ADGRV1: variants seen among roughly 807,000 people sequenced by gnomAD.
ADGRV1 encodes the protein adhesion G protein-coupled receptor V1.
A neutral mutation model predicts 596.2 loss-of-function variants in ADGRV1; 359 were observed. The observed-to-expected ratio is 0.60, with a 90% CI of 0.55 to 0.66. ADGRV1 has a LOEUF of 0.66. Among genes scored for constraint, ADGRV1 ranks in the 30% least tolerant of loss-of-function variants. The pLI, the probability that ADGRV1 is intolerant of heterozygous loss-of-function variation, is 0.00. For missense variants in ADGRV1, 7,274 were observed against 7,575.6 expected (o/e 0.96, Z 1.48); for synonymous variants, 2,681 against 2,679.2 (o/e 1.00, Z -0.02).
intron 11 of ADGRV1, among the ~76,000 whole-genome samples, chr5:90,638,580 T>G (rs1338036204): frequency 2.0e-5 from 3 of 151,844 alleles, no homozygotes; most frequent in Non-Finnish European, 4.4e-5. Context: ...TCTAAATATA[T>G]AAAATACTGT....
chr5:91,040,489 G>A (rs1168804639), intron 85 of ADGRV1, among the ~76,000 whole-genome samples: 1 of 152,160 alleles, frequency 6.6e-6, no homozygotes, highest in Non-Finnish European at 1.5e-5. Flanking sequence ...CTAAGTATGT[G>A]TTGATGTTAA....
At chr5:91,008,294 G>C (rs1031633372) in intron 85 of ADGRV1, among the ~76,000 whole-genome samples, 1 of 151,944 alleles carries the variant, frequency 6.6e-6, no homozygotes, top group African/African-American at 2.4e-5. Flanking sequence ...CTCCCAACGT[G>C]GTAGCTTCCA....
intron 85 of ADGRV1, among the ~76,000 whole-genome samples, chr5:91,064,160 A>G (rs1787686551): frequency 2.0e-5 from 3 of 152,222 alleles, no homozygotes; most frequent in Non-Finnish European, 4.4e-5. Context: ...ATCAATAAGC[A>G]TTTCTTAAGG....
intron 1 of ADGRV1, among the ~76,000 whole-genome samples, chr5:90,564,470 G>T (rs536238431): frequency 3.9e-5 from 6 of 152,178 alleles, no homozygotes. Flanking sequence ...TCCCAGACAC[G>T]TATTAGATTA....
intron 21 of ADGRV1, among the ~76,000 whole-genome samples, chr5:90,667,468 C>T (rs1257787092): frequency 6.8e-6 from 1 of 147,812 alleles, no homozygotes; most frequent in African/African-American, 2.5e-5. Flanking sequence ...CCATCAGCTC[C>T]TTTAAGCACT....
chr5:91,121,439 T>A (rs1209491268), intron 87 of ADGRV1, among the ~76,000 whole-genome samples: 1 of 152,074 alleles, frequency 6.6e-6, no homozygotes, highest in Non-Finnish European at 1.5e-5. Context: ...CTATTTTTGT[T>A]CCAAGTGAAA....
chr5:90,913,325 A>C (rs961423858), intron 83 of ADGRV1, among the ~76,000 whole-genome samples: 1 of 152,186 alleles, frequency 6.6e-6, no homozygotes, highest in Non-Finnish European at 1.5e-5. Flanking sequence ...TGAATTTCAC[A>C]TCTGGCCCAA....
Position 90,783,131 on chromosome 5 carries a change from A to C in ADGRV1, c.13239A>C (p.Glu4413Asp). Residue 4413 changes from glutamate to aspartate, a missense_variant, in exon 66 of 90, where the codon GAA becomes GAC. Physicochemically the swap from Glu to Asp is conservative, Grantham distance 45 (BLOSUM62 2). Around this residue, in one of 5 missense-constraint regions of ADGRV1, gnomAD observed 3,643 missense variants for 3,809.2 expected, o/e 0.96. Coordinates refer to ENST00000405460, the MANE Select transcript of ADGRV1 (RefSeq NM_032119.4). ...TCCAAGTTCCCATTACAGTGGAGGA[A>C]GATGTTGGGCTGATCATGATCCCAG... is the stretch of plus-strand genomic sequence containing the variant. ...DPKYTAFEVE[E>D]DVGLIMIPVV... 6.2e-7 allele frequency: 1 copy of C among 1,612,902 alleles called. No homozygotes were observed. Among genetic ancestry groups the C allele is most frequent in the South Asian group, 1.1e-5 (1 of 91,044 alleles).
At chr5:90,914,341 C>T (rs1017420955) in intron 83 of ADGRV1, among the ~76,000 whole-genome samples, 3 of 152,116 alleles carry the variant, frequency 2.0e-5, no homozygotes, top group African/African-American at 7.2e-5. Context: ...TTATTCCAGA[C>T]GCTGTGCTAA....
In ADGRV1 at chr5:90,690,132, T is replaced by TA. The variant is rs1317165077; in HGVS notation, c.6706+58dup. 21 of 986,518 alleles carry TA rather than the reference T, an allele frequency of 2.1e-5. No individual in the cohort carries two copies. In the African/African-American group the frequency reaches 2.6e-4, roughly 12 times the overall value. 61.1% of individuals were successfully genotyped at this position (986,518 alleles called of 1,614,324 possible). A position where few individuals can be genotyped will look rare whatever the true frequency, so the allele number is the denominator to read the frequency against. ...CTTGTCTGCATGTATAGATCATAGA[T>TA]AATGATCTTTACTTTTGGAGACTCA... is the stretch of plus-strand genomic sequence containing the variant. On this transcript the variant is annotated intron_variant, in intron 30 of 89. Coordinates refer to ENST00000405460, the MANE Select transcript of ADGRV1 (RefSeq NM_032119.4).
At chr5:90,570,321 G>A (rs2151954017) in intron 1 of ADGRV1, among the ~76,000 whole-genome samples, 1 of 152,172 alleles carries the variant, frequency 6.6e-6, no homozygotes, top group Admixed American at 6.5e-5. Context: ...ACTTTTATGT[G>A]ATAATTTTCT....
At chr5:90,876,177 G>T (rs1769201775) in intron 83 of ADGRV1, among the ~76,000 whole-genome samples, 1 of 151,988 alleles carries the variant, frequency 6.6e-6, no homozygotes, top group Admixed American at 6.6e-5. Context: ...ACAATGCCTG[G>T]TATTTTGTAA....
intron 17 of ADGRV1, among the ~76,000 whole-genome samples, chr5:90,650,921 G>A (rs1280763846): frequency 1.3e-5 from 2 of 152,152 alleles, no homozygotes; most frequent in Non-Finnish European, 2.9e-5. Flanking sequence ...AAGGACTTTT[G>A]CTCCCCTGTG....
chr5:90,804,762 T>C (rs1390530829), intron 71 of ADGRV1, among the ~76,000 whole-genome samples: 3 of 152,186 alleles, frequency 2.0e-5, no homozygotes, highest in Non-Finnish European at 4.4e-5. Flanking sequence ...AAAATCTTAC[T>C]TGATGCTTGT....
chr5:91,131,814 G>A (rs796436423), intron 87 of ADGRV1, among the ~76,000 whole-genome samples: 48 of 152,112 alleles, frequency 3.2e-4, no homozygotes, highest in African/African-American at 1.1e-3. Flanking sequence ...CCCAATTGTC[G>A]ATTTTTGTTT....
chr5:90,680,052 T>G (rs1463205921), intron 26 of ADGRV1, among the ~76,000 whole-genome samples: 2 of 152,186 alleles, frequency 1.3e-5, no homozygotes, highest in African/African-American at 4.8e-5. Flanking sequence ...AAAAGAACTA[T>G]GAATCCTTAT....
At chr5:90,596,848 C>CGAGAGG (rs1272054971) in intron 1 of ADGRV1, among the ~76,000 whole-genome samples, 5 of 149,640 alleles carry the variant, frequency 3.3e-5, no homozygotes, top group East Asian at 1.9e-4. Context: ...AGAGGGAGAG[C>CGAGAGG]GAGAGGGAGA....
At chr5:90,894,707 G>A (rs1424603856) in intron 83 of ADGRV1, among the ~76,000 whole-genome samples, 3 of 152,092 alleles carry the variant, frequency 2.0e-5, no homozygotes, top group Admixed American at 6.6e-5. Flanking sequence ...ACAAGAAATC[G>A]CAGAGTGCAA....
chr5:90,674,298 C>T, intron 23 of ADGRV1, 64 bp downstream of exon 23: 1 of 1,300,018 alleles, frequency 7.7e-7, no homozygotes, highest in South Asian at 2.1e-5. Context: ...TTGTTAAGAA[C>T]TTCTTAAGGC....
Sources: allele counts gnomAD v4.1 joint callset (sites outside exome capture counted in the v4.1 genomes callset), GRCh38; gene constraint gnomAD v4.1.1; regional missense constraint gnomAD v4.1.1; transcripts MANE v1.5; gene names NCBI Gene and HGNC (gene_info 2026-07-23, HGNC 2026-07-21).